Variants in PLCL2 observed in about 807,000 individuals in gnomAD.
The protein encoded by PLCL2 is phospholipase C like 2.
Under a neutral mutation model 79.6 loss-of-function variants are expected in PLCL2, and 4 were observed. That is an observed-to-expected ratio of 0.05 (90% confidence interval 0.02 to 0.11). PLCL2 has a LOEUF of 0.11. Ranked by LOEUF, PLCL2 falls within the 10% of genes least tolerant of loss-of-function variation. The pLI, the probability that PLCL2 is intolerant of heterozygous loss-of-function variation, is 1.00. For missense variants in PLCL2, 895 were observed against 1,291.0 expected (o/e 0.69, Z 4.70); for synonymous variants, 484 against 457.7 (o/e 1.06, Z -0.73).
chr3:17,042,551 G>T (rs1459024639), intron 3 of PLCL2, among the ~76,000 whole-genome samples: 1 of 152,164 alleles, frequency 6.6e-6, no homozygotes, highest in Non-Finnish European at 1.5e-5. Flanking sequence ...TTAAAACTCA[G>T]ATCAGATTTG....
At chr3:16,973,845 A>G (rs755745642) in intron 1 of PLCL2, among the ~76,000 whole-genome samples, 9 of 152,346 alleles carry the variant, frequency 5.9e-5, no homozygotes, top group Non-Finnish European at 8.8e-5. Context: ...AGGGACAGAC[A>G]TTCATTATAT....
At chr3:17,014,993 T>A in intron 3 of PLCL2, 82 bp downstream of exon 3, 1 of 1,083,632 alleles carries the variant, frequency 9.2e-7, no homozygotes, top group Non-Finnish European at 1.4e-6. Flanking sequence ...TTGGAGCTTT[T>A]GCTGAAGTGC....
intron 1 of PLCL2, among the ~76,000 whole-genome samples, chr3:16,972,731 A>G: frequency 6.6e-6 from 1 of 152,244 alleles, no homozygotes; most frequent in Non-Finnish European, 1.5e-5. Context: ...CTTTACCATT[A>G]TGTATTGCCC....
At chr3:16,977,076 A>G (rs1392372426) in intron 1 of PLCL2, among the ~76,000 whole-genome samples, 1 of 152,178 alleles carries the variant, frequency 6.6e-6, no homozygotes, top group Admixed American at 6.5e-5. Flanking sequence ...AAGTTCACAC[A>G]AGGCATTGTG....
chr3:16,996,060 C>T (rs567258176), intron 1 of PLCL2, among the ~76,000 whole-genome samples: 127 of 152,284 alleles, frequency 8.3e-4, no homozygotes, highest in African/African-American at 2.7e-3. Flanking sequence ...GAAATCAGCA[C>T]TGGCCCCAGA....
chr3:16,980,567 C>G (rs2063980481), intron 1 of PLCL2, among the ~76,000 whole-genome samples: 1 of 151,606 alleles, frequency 6.6e-6, no homozygotes, highest in African/African-American at 2.4e-5. Flanking sequence ...TCCTCACTTC[C>G]CAGATGTGAT....
rs112753373 is a variant in PLCL2, at chr3:16,886,088, A to T, written c.327+722A>T. ...TGCACAGTGTTAGCGGAAGAAAGCC[A>T]GCGATTGTTTTGAGCATTTTAAACT... On this transcript the variant is annotated intron_variant, in intron 1 of 5. Coordinates refer to ENST00000615277, the MANE Select transcript of PLCL2 (RefSeq NM_001144382.2). The surrounding 1 kb of genome is among the most constrained non-coding windows in gnomAD (Gnocchi z 4.2). 3.5e-3 allele frequency among the ~76,000 whole-genome samples: 534 copies of T among 152,348 alleles called. 3 individuals are homozygous for T. The highest frequency in any genetic ancestry group is 5.1e-3 in the Non-Finnish European group (346 of 68,036).
At chr3:16,969,864 G>A (rs1297212277) in intron 1 of PLCL2, among the ~76,000 whole-genome samples, 1 of 151,596 alleles carries the variant, frequency 6.6e-6, no homozygotes, top group Non-Finnish European at 1.5e-5. Flanking sequence ...ACTTTTTAAT[G>A]TGGGCGTTTA....
At chr3:17,037,148 A>T (rs4353792) in intron 3 of PLCL2, among the ~76,000 whole-genome samples, 1 of 151,944 alleles carries the variant, frequency 6.6e-6, no homozygotes, top group African/African-American at 2.4e-5. Flanking sequence ...GATCACATTT[A>T]CTGTTCTGTA....
chr3:17,012,222 T>G, intron 2 of PLCL2, 62 bp downstream of exon 2: 1 of 1,407,664 alleles, frequency 7.1e-7, no homozygotes, highest in South Asian at 1.5e-5. Context: ...GTCCATAGTT[T>G]ATAAATATAT....
At chr3:16,931,622 G>A (rs1246089557) in intron 1 of PLCL2, among the ~76,000 whole-genome samples, 2 of 152,178 alleles carry the variant, frequency 1.3e-5, no homozygotes, top group Non-Finnish European at 2.9e-5. Context: ...ACATGCATTG[G>A]TCTTAGAGTC....
At chr3:16,998,148 C>T (rs2125000546) in intron 1 of PLCL2, among the ~76,000 whole-genome samples, 1 of 151,930 alleles carries the variant, frequency 6.6e-6, no homozygotes, top group South Asian at 2.1e-4. Flanking sequence ...TGCATTTTTT[C>T]CCTCAACCCC....
chr3:17,075,026 C>A (rs116118158), intron 5 of PLCL2, among the ~76,000 whole-genome samples: 1,544 of 152,280 alleles, frequency 0.01, 32 homozygotes, highest in African/African-American at 0.035. Flanking sequence ...TTTTCCTTTG[C>A]ATTAACAACT....
intron 1 of PLCL2, among the ~76,000 whole-genome samples, chr3:16,954,216 C>G (rs189794449): frequency 6.6e-6 from 1 of 152,198 alleles, no homozygotes; most frequent in East Asian, 1.9e-4. Flanking sequence ...GTGATGTTGC[C>G]CTTCCTGTGT....
chr3:16,936,865 TG>T (rs1265793991), intron 1 of PLCL2, among the ~76,000 whole-genome samples: 2 of 152,188 alleles, frequency 1.3e-5, no homozygotes, highest in African/African-American at 2.4e-5. Flanking sequence ...GGCTTTCTGA[TG>T]TTGTCCAGGT....
intron 1 of PLCL2, among the ~76,000 whole-genome samples, chr3:16,942,285 G>A (rs770166476): frequency 5.3e-5 from 8 of 152,146 alleles, no homozygotes; most frequent in East Asian, 1.9e-4. Context: ...TTACATAGGC[G>A]AAAGTGAGCT....
chr3:17,004,449 G>C (rs2064241349), intron 1 of PLCL2, among the ~76,000 whole-genome samples: 1 of 152,138 alleles, frequency 6.6e-6, no homozygotes, highest in South Asian at 2.1e-4. Flanking sequence ...AGGAGTTTCT[G>C]TTACTTGCAA....
intron 5 of PLCL2, among the ~76,000 whole-genome samples, chr3:17,076,462 A>G (rs539563793): frequency 6.6e-6 from 1 of 152,086 alleles, no homozygotes; most frequent in South Asian, 2.1e-4. Context: ...TTATCCCACA[A>G]TCACAGATGC....
rs758074652 is a variant in PLCL2, at chr3:17,011,180, T to C, written c.1834T>C (p.Phe612Leu). ...ACCCAATAATGTGCCTGTGAAGCGA[T>C]TTCAGCTTTGTAAAGAACTGTCTGA... The part of the protein sequence containing the change: ...EQPNNVPVKR[F>L]QLCKELSELV... The change falls in exon 2 of 6, where the codon TTT becomes CTT. Residue 612 changes from phenylalanine to leucine, a missense_variant. This residue lies in a region of PLCL2 where 242 missense variants were observed against 399.5 expected (regional missense o/e 0.61). Coordinates refer to ENST00000615277, the MANE Select transcript of PLCL2 (RefSeq NM_001144382.2). The surrounding 1 kb of genome is among the most constrained non-coding windows in gnomAD (Gnocchi z 7.9). 7.4e-6 allele frequency: 12 copies of C among 1,614,182 alleles called. No homozygotes were observed. In the South Asian group the frequency reaches 9.9e-5, roughly 13 times the overall value.
Sources: allele counts gnomAD v4.1 joint callset (sites outside exome capture counted in the v4.1 genomes callset), GRCh38; gene constraint gnomAD v4.1.1; regional missense constraint gnomAD v4.1.1; non-coding constraint Gnocchi (gnomAD v3.1); transcripts MANE v1.5; gene names NCBI Gene and HGNC (gene_info 2026-07-23, HGNC 2026-07-21).